The following GRM8 variants were observed in gnomAD, a reference collection of about 807,000 sequenced individuals.
GRM8 encodes glutamate metabotropic receptor 8, also known as metabotropic glutamate receptor 8.
In GRM8, 47 loss-of-function variants were observed where a neutral mutation model predicts 87.2. That is an observed-to-expected ratio of 0.54 (90% CI 0.43 to 0.69). The LOEUF is 0.69. GRM8 is among the 30% of genes least tolerant of loss of function. The pLI, the probability that GRM8 is intolerant of heterozygous loss-of-function variation, is 0.00. For synonymous variants in GRM8, 396 were observed against 404.5 expected, an observed-to-expected ratio of 0.98 and a Z score of 0.25; for missense variants, 1,019 against 1,139.2, an observed-to-expected ratio of 0.89 and a Z score of 1.52.
intron 2 of GRM8, among the ~76,000 whole-genome samples, chr7:127,193,355 C>T (rs909281220): frequency 2.6e-5 from 4 of 152,178 alleles, no homozygotes; most frequent in East Asian, 3.8e-4. Context: ...AGAGAGTTTA[C>T]ACCATTGACC....
intron 8 of GRM8, among the ~76,000 whole-genome samples, chr7:126,601,776 GTTGT>G (rs1334281192): frequency 1.4e-5 from 2 of 138,780 alleles, no homozygotes; most frequent in African/African-American, 2.6e-5. Context: ...TTTTGATGGG[GTTGT>G]TTGTTTTTTT....
At chr7:126,638,507 A>T (rs6962252) in intron 7 of GRM8, among the ~76,000 whole-genome samples, 2,370 of 152,274 alleles carry the variant, frequency 0.016, 48 homozygotes, top group African/African-American at 0.042. Context: ...TTCTGATGGG[A>T]TGGGGCATAT....
intron 2 of GRM8, among the ~76,000 whole-genome samples, chr7:127,132,354 G>A (rs927416752): frequency 1.3e-5 from 2 of 152,118 alleles, no homozygotes; most frequent in Non-Finnish European, 2.9e-5. Flanking sequence ...TACTTTTATT[G>A]CATTTTGTTC....
intron 9 of GRM8, among the ~76,000 whole-genome samples, chr7:126,447,773 GA>G (rs1453612448): frequency 6.6e-6 from 1 of 151,914 alleles, no homozygotes; most frequent in Non-Finnish European, 1.5e-5. Flanking sequence ...CACAAGTTAA[GA>G]AACTGTCTTT....
intron 6 of GRM8, among the ~76,000 whole-genome samples, chr7:126,876,682 A>G (rs1227624051): frequency 6.6e-6 from 1 of 152,170 alleles, no homozygotes; most frequent in Non-Finnish European, 1.5e-5. Context: ...TCAGCAAGGG[A>G]CTTAGATATG....
At chr7:126,471,619 T>A in intron 9 of GRM8, among the ~76,000 whole-genome samples, 1 of 151,790 alleles carries the variant, frequency 6.6e-6, no homozygotes, top group Non-Finnish European at 1.5e-5. Flanking sequence ...TGAAGTCAGG[T>A]AGTGTGATGC....
intron 3 of GRM8, among the ~76,000 whole-genome samples, chr7:126,959,142 G>C (rs1258599759): frequency 6.6e-6 from 1 of 152,192 alleles, no homozygotes; most frequent in Non-Finnish European, 1.5e-5. Context: ...ACTATTAGCT[G>C]TAATACACAG....
chr7:127,102,925 G>T (rs1361921903), intron 3 of GRM8, among the ~76,000 whole-genome samples: 1 of 152,144 alleles, frequency 6.6e-6, no homozygotes, highest in Non-Finnish European at 1.5e-5. Context: ...TGCATTGGTG[G>T]AATCTCGGCT....
rs138810101 is a variant in GRM8, at chr7:126,847,809, C to T, written c.1156+54733G>A. On this transcript the variant is annotated intron_variant, in intron 6 of 10. Transcript: ENST00000339582. ...GGAGAGAATATGGACCTCATCTCCACGTAGACAAGTATCAACTGTATGTTG... is the reference window on the plus strand; with the variant it reads ...GGAGAGAATATGGACCTCATCTCCATGTAGACAAGTATCAACTGTATGTTG... Among the ~76,000 whole-genome samples the T allele has an allele frequency of 5.3e-5, 8 of 152,240 alleles. No individual in the cohort carries two copies. The East Asian group carries it at 7.7e-4, about 15-fold the overall frequency.
chr7:126,694,712 G>C (rs1809192335), intron 7 of GRM8, among the ~76,000 whole-genome samples: 1 of 152,158 alleles, frequency 6.6e-6, no homozygotes, highest in African/African-American at 2.4e-5. Flanking sequence ...GTTCTGCTTA[G>C]GCAAAACTAG....
At chr7:127,244,725 T>TC (rs1476498039) in intron 1 of GRM8, among the ~76,000 whole-genome samples, 3 of 152,166 alleles carry the variant, frequency 2.0e-5, no homozygotes, top group Non-Finnish European at 2.9e-5. Context: ...TTTTTATCCT[T>TC]CTTGCCCCGA....
At chr7:127,000,463 G>T (rs992729269) in intron 3 of GRM8, among the ~76,000 whole-genome samples, 1 of 151,504 alleles carries the variant, frequency 6.6e-6, no homozygotes. Context: ...TTACTATGAC[G>T]ATATACATTG....
chr7:126,620,623 G>A (rs1242916817), intron 7 of GRM8, among the ~76,000 whole-genome samples: 1 of 151,998 alleles, frequency 6.6e-6, no homozygotes, highest in Admixed American at 6.6e-5. Flanking sequence ...TGTGATCTGA[G>A]TAAGTTACCC....
chr7:126,757,634 G>A (rs1382789507), intron 7 of GRM8, among the ~76,000 whole-genome samples: 3 of 152,094 alleles, frequency 2.0e-5, no homozygotes, highest in African/African-American at 7.2e-5. Context: ...TCTGTTCTGT[G>A]AGCATGGACA....
chr7:126,893,727 T>C (rs566346136), intron 6 of GRM8, among the ~76,000 whole-genome samples: 3 of 152,110 alleles, frequency 2.0e-5, no homozygotes, highest in South Asian at 2.1e-4. Flanking sequence ...TAGCACAATA[T>C]AGAGTTTAAC....
At chr7:126,953,719 C>G (rs1321040426) in intron 3 of GRM8, among the ~76,000 whole-genome samples, 5 of 152,046 alleles carry the variant, frequency 3.3e-5, no homozygotes, top group African/African-American at 4.8e-5. Context: ...GCCCAGGAAC[C>G]GTTTGTTACA....
intron 3 of GRM8, among the ~76,000 whole-genome samples, chr7:127,069,771 G>T (rs575983831): frequency 6.6e-6 from 1 of 152,290 alleles, no homozygotes; most frequent in South Asian, 2.1e-4. Flanking sequence ...AAGAGCATTT[G>T]TTTATTCCAC....
At chr7:126,963,034 T>G (rs983003090) in intron 3 of GRM8, among the ~76,000 whole-genome samples, 1 of 152,220 alleles carries the variant, frequency 6.6e-6, no homozygotes, top group Non-Finnish European at 1.5e-5. Context: ...ATCAATGAAT[T>G]TATTCAACTA....
chr7:126,635,368 T>G (rs1801753461), intron 7 of GRM8, among the ~76,000 whole-genome samples: 1 of 152,138 alleles, frequency 6.6e-6, no homozygotes, highest in African/African-American at 2.4e-5. Flanking sequence ...CCCACTATAT[T>G]TGGCTAATTG....
Sources: allele counts gnomAD v4.1 joint callset (sites outside exome capture counted in the v4.1 genomes callset), GRCh38; gene constraint gnomAD v4.1.1; transcripts MANE v1.5; gene names NCBI Gene and HGNC (gene_info 2026-07-23, HGNC 2026-07-21).